Variants in ENTREP2 observed in about 807,000 individuals in gnomAD.
ENTREP2 encodes the protein protein ENTREP2.
chr15:29,311,633 T>C, the ENTREP2 span, among the ~76,000 whole-genome samples: 1 of 152,062 alleles, frequency 6.6e-6, no homozygotes, highest in Non-Finnish European at 1.5e-5. Context: ...GAGGTTGCAG[T>C]GAGCTGAGAT....
chr15:29,503,251 C>A, the ENTREP2 span, among the ~76,000 whole-genome samples: 3 of 152,096 alleles, frequency 2.0e-5, no homozygotes, highest in South Asian at 6.2e-4. Context: ...TATGGAATGT[C>A]ATTTTCCACA....
the ENTREP2 span, among the ~76,000 whole-genome samples, chr15:29,602,636 C>A: frequency 6.6e-6 from 1 of 152,138 alleles, no homozygotes; most frequent in Non-Finnish European, 1.5e-5. Context: ...CTCCTGGATT[C>A]ATGCAATTCT....
At chr15:29,473,763 C>T in the ENTREP2 span, among the ~76,000 whole-genome samples, 4 of 152,196 alleles carry the variant, frequency 2.6e-5, no homozygotes, top group Non-Finnish European at 4.4e-5. Flanking sequence ...TTCAAGAAAC[C>T]GCCTGAGGCT....
At chr15:29,427,972 CAG>C in the ENTREP2 span, among the ~76,000 whole-genome samples, 3 of 152,138 alleles carry the variant, frequency 2.0e-5, no homozygotes, top group Non-Finnish European at 4.4e-5. Context: ...CCGAAACCAA[CAG>C]AGTGATAAAT....
the ENTREP2 span, among the ~76,000 whole-genome samples, chr15:29,148,030 A>C: frequency 6.6e-6 from 1 of 152,218 alleles, no homozygotes; most frequent in Non-Finnish European, 1.5e-5. Flanking sequence ...TAAATGAAAG[A>C]AGCCAGACAC....
chr15:29,566,809 G>A, the ENTREP2 span, among the ~76,000 whole-genome samples: 1 of 148,278 alleles, frequency 6.7e-6, no homozygotes, highest in Non-Finnish European at 1.5e-5. Context: ...TTCAGAGTAT[G>A]AAAAAAATCC....
the ENTREP2 span, among the ~76,000 whole-genome samples, chr15:29,556,768 C>A: frequency 8.7e-6 from 1 of 115,016 alleles, no homozygotes; most frequent in Non-Finnish European, 2.0e-5. Context: ...AGGTGCCCCC[C>A]CCCCGCCCCA....
At chr15:29,344,140 T>A in the ENTREP2 span, among the ~76,000 whole-genome samples, 4 of 152,274 alleles carry the variant, frequency 2.6e-5, no homozygotes, top group African/African-American at 9.6e-5. Context: ...CTTGTGGCAA[T>A]CTGCAAAGAG....
chr15:29,571,163 G>A, the ENTREP2 span, among the ~76,000 whole-genome samples: 149 of 151,452 alleles, frequency 9.8e-4, 2 homozygotes, highest in Middle Eastern at 3.5e-3. Flanking sequence ...GAAGGCGCAG[G>A]TGCGGTCCTG....
At chr15:29,657,028 C>T in the ENTREP2 span, among the ~76,000 whole-genome samples, 2 of 152,058 alleles carry the variant, frequency 1.3e-5, no homozygotes, top group Non-Finnish European at 2.9e-5. Flanking sequence ...AGAACGAAGC[C>T]GGGCCTTCGT....
the ENTREP2 span, among the ~76,000 whole-genome samples, chr15:29,342,927 T>C: frequency 2.0e-5 from 3 of 151,850 alleles, no homozygotes; most frequent in Non-Finnish European, 4.4e-5. Flanking sequence ...AGAAATTTTA[T>C]TTTATTTATT....
At chr15:29,369,319 A>G in the ENTREP2 span, among the ~76,000 whole-genome samples, 3 of 152,180 alleles carry the variant, frequency 2.0e-5, no homozygotes, top group Non-Finnish European at 2.9e-5. Flanking sequence ...CAAAGAGAGA[A>G]GCTTGAAGGC....
At chr15:29,505,000 T>C in the ENTREP2 span, among the ~76,000 whole-genome samples, 1 of 152,236 alleles carries the variant, frequency 6.6e-6, no homozygotes, top group Non-Finnish European at 1.5e-5. Flanking sequence ...AGTCACCTTG[T>C]AGATGACAAG....
chr15:29,255,289 T>G, the ENTREP2 span, among the ~76,000 whole-genome samples: 1 of 152,172 alleles, frequency 6.6e-6, no homozygotes, highest in African/African-American at 2.4e-5. Flanking sequence ...ACAATTATGT[T>G]TCTGATTTAA....
chr15:29,642,472 TGTATATACAC>T, the ENTREP2 span, among the ~76,000 whole-genome samples: 5,709 of 146,380 alleles, frequency 0.039, 125 homozygotes, highest in South Asian at 0.054. Flanking sequence ...ATATATATAC[TGTATATACAC>T]ATATATACAT....
the ENTREP2 span, chr15:29,128,909 A>G: frequency 7.1e-7 from 1 of 1,402,322 alleles, no homozygotes; most frequent in Non-Finnish European, 9.8e-7. Context: ...GTCCGTGGGA[A>G]CGCAGCACAG....
chr15:29,421,604 T>A, the ENTREP2 span, among the ~76,000 whole-genome samples: 1 of 152,220 alleles, frequency 6.6e-6, no homozygotes. Flanking sequence ...GACATAAAAA[T>A]TAACTTTAAA....
chr15:29,222,430 T>TA, the ENTREP2 span, among the ~76,000 whole-genome samples: 2 of 152,184 alleles, frequency 1.3e-5, no homozygotes, highest in Non-Finnish European at 2.9e-5. Flanking sequence ...TTCCTTTACT[T>TA]AATAAACTTT....
the ENTREP2 span, among the ~76,000 whole-genome samples, chr15:29,407,653 A>G: frequency 6.6e-6 from 1 of 151,552 alleles, no homozygotes; most frequent in Admixed American, 6.6e-5. Flanking sequence ...TCAGCAAACC[A>G]GAGTGGTTTG....
Sources: gnomAD v4.1 joint callset for allele counts (sites outside exome capture counted in the v4.1 genomes callset) on GRCh38, gnomAD v4.1.1 for gene constraint, MANE v1.5 for transcripts, NCBI Gene and HGNC (gene_info 2026-07-23, HGNC 2026-07-21) for gene names.